Variants in INPP5D observed in about 807,000 individuals in gnomAD.
INPP5D encodes the protein phosphatidylinositol 3,4,5-trisphosphate 5-phosphatase 1.
Under a neutral mutation model 122.9 loss-of-function variants are expected in INPP5D, and 33 were observed. The observed-to-expected ratio is 0.27, with a 90% CI of 0.20 to 0.36. The LOEUF (loss-of-function observed/expected upper bound fraction) is 0.36. INPP5D is among the 10% of genes least tolerant of loss of function. The pLI is 1.00. For missense variants in INPP5D, 1,053 were observed against 1,412.7 expected (o/e 0.75, Z 4.08); for synonymous variants, 584 against 576.2 (o/e 1.01, Z -0.19).
At chr2:233,200,819 C>T (rs1349360588) in intron 25 of INPP5D, among the ~76,000 whole-genome samples, 1 of 151,898 alleles carries the variant, frequency 6.6e-6, no homozygotes. Flanking sequence ...ATCAGCCAGG[C>T]GTAGTGGCCC....
rs2106295696 is a variant in INPP5D, at chr2:233,164,143, T to A, written c.1438-164T>A. ...AGCCCCGGTTCTCATCTTTAGGATG[T>A]TTTGTCTCGCCTATCAAGCATCGCT... On this transcript the variant is annotated intron_variant, in intron 12 of 26. Coordinates refer to ENST00000445964, the MANE Select transcript of INPP5D (RefSeq NM_001017915.3). The surrounding 1 kb of genome is among the most constrained non-coding windows in gnomAD (Gnocchi z 4.3). 6.6e-6 allele frequency among the ~76,000 whole-genome samples: 1 copy of A among 152,228 alleles called. No individual in the cohort carries two copies. Among genetic ancestry groups the A allele is most frequent in the East Asian group, 1.9e-4 (1 of 5,174 alleles).
At chr2:233,117,886 A>G (rs59397833) in intron 2 of INPP5D, among the ~76,000 whole-genome samples, 5,430 of 152,024 alleles carry the variant, frequency 0.036, 344 homozygotes, top group African/African-American at 0.12. Flanking sequence ...TGCATGGAAG[A>G]CCCTCCCTGA....
At position 233,130,518 on chromosome 2, in the gene INPP5D, G is replaced by A; in HGVS notation, c.535G>A (p.Glu179Lys). The A allele has an allele frequency of 5.0e-6, 8 of 1,613,624 alleles. No individual in the cohort carries two copies. The highest frequency in any genetic ancestry group is 6.8e-6 in the Non-Finnish European group (8 of 1,179,782). ...TTTTCTTTTCTTTAGGCTTCCAGAAGAGCATCTTAAGGCCATCCAAGATTA... is the reference window on the plus strand; with the variant it reads ...TTTTCTTTTCTTTAGGCTTCCAGAAAAGCATCTTAAGGCCATCCAAGATTA... ...QSMDTSGLPE[E>K]HLKAIQDYLS... Residue 179 changes from glutamate (E) to lysine (K), a missense_variant, in exon 5 of 27, where the codon GAG (glutamate) becomes AAG (lysine). Coordinates refer to ENST00000445964, the MANE Select transcript of INPP5D (RefSeq NM_001017915.3).
At position 233,105,721 on chromosome 2, in the gene INPP5D, G is replaced by A. The variant is rs1204001751; in HGVS notation, c.199-16386G>A. Among the ~76,000 whole-genome samples the A allele has an allele frequency of 2.6e-5, 4 of 152,206 alleles. No homozygotes were observed. The highest frequency in any genetic ancestry group is 5.9e-5 in the Non-Finnish European group (4 of 68,034). On this transcript the variant is annotated intron_variant, in intron 2 of 26. Coordinates refer to ENST00000445964, the MANE Select transcript of INPP5D (RefSeq NM_001017915.3). This position sits in a 1 kb window ranked among gnomAD's most constrained non-coding sequence, Gnocchi z 4.0. Reference sequence around the variant, plus strand: ...TCCTTCAGCCCTGCCCAGGGCAGCAGGTGATCGTGGGGCGGATCTTGACGA... The same window carrying A: ...TCCTTCAGCCCTGCCCAGGGCAGCAAGTGATCGTGGGGCGGATCTTGACGA...
rs560721685 is a variant in INPP5D at position 233,182,603 on chromosome 2, A to G, written c.2161+104A>G. On this transcript the variant is annotated intron_variant, in intron 19 of 26. Transcript: ENST00000445964. ...AGTGGTCTGCATTAGAGGAAGGCTCATTTTCCCAGGCAAGTCCACAATATC... is the reference window on the plus strand; with the variant it reads ...AGTGGTCTGCATTAGAGGAAGGCTCGTTTTCCCAGGCAAGTCCACAATATC... The G allele has an allele frequency of 7.7e-5, 118 of 1,523,194 alleles. No individual in the cohort carries two copies. The African/African-American group carries it at 1.3e-3, about 17-fold the overall frequency. 94.4% of individuals were successfully genotyped at this position (1,523,194 alleles called of 1,614,324 possible). A position where few individuals can be genotyped will look rare whatever the true frequency, so the allele number is the denominator to read the frequency against.
At chr2:233,114,897 C>T (rs1015597158) in intron 2 of INPP5D, among the ~76,000 whole-genome samples, 4 of 150,454 alleles carry the variant, frequency 2.7e-5, no homozygotes, top group Admixed American at 2.0e-4. Flanking sequence ...GACAGAGTTT[C>T]GCTCTTGTCA....
intron 2 of INPP5D, among the ~76,000 whole-genome samples, chr2:233,099,100 G>A (rs1162688513): frequency 7.9e-5 from 12 of 152,006 alleles, no homozygotes; most frequent in Non-Finnish European, 1.2e-4. Flanking sequence ...ATAAGTGTGC[G>A]TCACCATGTC....
chr2:233,133,012 C>T (rs1009294477), intron 5 of INPP5D, among the ~76,000 whole-genome samples: 2 of 151,898 alleles, frequency 1.3e-5, no homozygotes, highest in Admixed American at 1.3e-4. Context: ...CCTCTCAGCC[C>T]CTATCCTTGA....
chr2:233,099,752 T>C (rs1187105380), intron 2 of INPP5D, among the ~76,000 whole-genome samples: 1 of 152,248 alleles, frequency 6.6e-6, no homozygotes, highest in Non-Finnish European at 1.5e-5. Flanking sequence ...GAAGATCTGA[T>C]ACCCTTGATT....
In INPP5D at chr2:233,167,485, G is replaced by A. The variant is rs562334433; in HGVS notation, c.1556-1820G>A. Reference sequence around the variant, plus strand: ...TTGCCCAAGGCCCCGGGATAAGAATGTGGTGGGCAGGGATTGAAACCAGGC... The same window carrying A: ...TTGCCCAAGGCCCCGGGATAAGAATATGGTGGGCAGGGATTGAAACCAGGC... On this transcript the variant is annotated intron_variant, in intron 13 of 26. Coordinates refer to ENST00000445964, the MANE Select transcript of INPP5D (RefSeq NM_001017915.3). 3.9e-5 allele frequency among the ~76,000 whole-genome samples: 6 copies of A among 152,230 alleles called. 1 individual carries two copies. Among genetic ancestry groups the A allele is most frequent in the Non-Finnish European group, 8.8e-5 (6 of 68,042 alleles).
chr2:233,097,939 T>G (rs1230683417), intron 2 of INPP5D, among the ~76,000 whole-genome samples: 2 of 151,234 alleles, frequency 1.3e-5, no homozygotes, highest in South Asian at 2.1e-4. Context: ...TAGGCTGGAG[T>G]GCAGTGGCGC....
At position 233,100,315 on chromosome 2, in the gene INPP5D, C is replaced by G. The variant is rs1265438593; in HGVS notation, c.198+20917C>G. ...CTAATTACCCAACTTGTGAGGCCAG[C>G]AACCACACACTGGTAAACAGGTTTA... On this transcript the variant is annotated intron_variant, in intron 2 of 26. Coordinates refer to ENST00000445964, the MANE Select transcript of INPP5D (RefSeq NM_001017915.3). The surrounding 1 kb of genome is among the most constrained non-coding windows in gnomAD (Gnocchi z 5.3). Among the ~76,000 whole-genome samples the G allele has an allele frequency of 6.6e-6, 1 of 152,186 alleles. No individual in the cohort carries two copies. Among genetic ancestry groups the G allele is most frequent in the African/African-American group, 2.4e-5 (1 of 41,442 alleles).
At chr2:233,173,535 C>T (rs1574785586) in intron 17 of INPP5D, among the ~76,000 whole-genome samples, 2 of 152,140 alleles carry the variant, frequency 1.3e-5, no homozygotes, top group East Asian at 3.9e-4. Context: ...ACACATTGTA[C>T]AGCTGTACAG....
In INPP5D at chr2:233,183,715, C is replaced by T. The variant is rs1374086947; in HGVS notation, c.2162-693C>T. 6.6e-6 allele frequency among the ~76,000 whole-genome samples: 1 copy of T among 152,142 alleles called. No homozygotes were observed. The highest frequency in any genetic ancestry group is 1.9e-4 in the East Asian group (1 of 5,198). On this transcript the variant is annotated intron_variant, in intron 19 of 26. Coordinates refer to ENST00000445964, the MANE Select transcript of INPP5D (RefSeq NM_001017915.3). This position sits in a 1 kb window ranked among gnomAD's most constrained non-coding sequence, Gnocchi z 4.6. ...GGATTGAGCATTGACAGGGCATCTA[C>T]CTAAGCCAAGCCTGGACTGGGCACT...
intron 26 of INPP5D, chr2:233,205,018 T>A (rs1419393731): frequency 2.6e-6 from 1 of 379,270 alleles, no homozygotes; most frequent in Non-Finnish European, 4.7e-6. Flanking sequence ...TAGTCTAGTG[T>A]CAGTCCCAGA....
intron 25 of INPP5D, among the ~76,000 whole-genome samples, chr2:233,202,859 C>T (rs555408021): frequency 1.3e-5 from 2 of 152,214 alleles, no homozygotes; most frequent in Non-Finnish European, 2.9e-5. Flanking sequence ...TGGGTCACAA[C>T]ACAGGAGCTT....
chr2:233,124,098 G>A (rs1693079095), intron 3 of INPP5D, among the ~76,000 whole-genome samples: 2 of 151,328 alleles, frequency 1.3e-5, no homozygotes, highest in South Asian at 4.2e-4. Context: ...AGGTACCCCT[G>A]AACTTAAAAT....
chr2:233,195,524 G>A (rs747756043), intron 24 of INPP5D, 29 bp downstream of exon 24: 9 of 1,612,680 alleles, frequency 5.6e-6, no homozygotes, highest in African/African-American at 1.3e-5. Flanking sequence ...GGGTGTTGGG[G>A]GGGGTGGATA....
At chr2:233,175,056 T>C (rs1694583569) in intron 17 of INPP5D, among the ~76,000 whole-genome samples, 1 of 150,502 alleles carries the variant, frequency 6.6e-6, no homozygotes. Flanking sequence ...GCGAAACCCG[T>C]CTCTATACAA....
Sources: allele counts gnomAD v4.1 joint callset (sites outside exome capture counted in the v4.1 genomes callset), GRCh38; gene constraint gnomAD v4.1.1; non-coding constraint Gnocchi (gnomAD v3.1); transcripts MANE v1.5; gene names NCBI Gene and HGNC (gene_info 2026-07-23, HGNC 2026-07-21).